NRCAM: variants seen among roughly 807,000 people sequenced by gnomAD.
NRCAM encodes the protein NgCAM-related cell adhesion molecule.
A neutral mutation model predicts 156.5 loss-of-function variants in NRCAM; 83 were observed. The observed-to-expected ratio is 0.53, with a 90% CI of 0.44 to 0.64. The LOEUF (loss-of-function observed/expected upper bound fraction) is 0.64, where lower values mean the gene tolerates loss of function less well. Ranked by LOEUF, NRCAM falls within the 30% of genes least tolerant of loss-of-function variation. The pLI is 0.00. For missense variants in NRCAM, 1,417 were observed against 1,597.3 expected, an observed-to-expected ratio of 0.89 and a Z score of 1.92; for synonymous variants, 538 against 563.9, an observed-to-expected ratio of 0.95 and a Z score of 0.65.
At chr7:108,262,641 C>T (rs1335291251) in intron 3 of NRCAM, among the ~76,000 whole-genome samples, 1 of 152,212 alleles carries the variant, frequency 6.6e-6, no homozygotes, top group African/African-American at 2.4e-5. Context: ...CTATAGGACA[C>T]ACTTTACATA....
chr7:108,175,449 T>C, intron 27 of NRCAM, 92 bp from the exon 28 acceptor site: 1 of 1,105,282 alleles, frequency 9.0e-7, no homozygotes, highest in Non-Finnish European at 1.3e-6. Flanking sequence ...CTTATTAAAA[T>C]GCTAAAGCAT....
chr7:108,426,007 A>G (rs1307347149), intron 1 of NRCAM, among the ~76,000 whole-genome samples: 1 of 152,240 alleles, frequency 6.6e-6, no homozygotes, highest in Non-Finnish European at 1.5e-5. Flanking sequence ...TTTTTAATGT[A>G]TATCATACAA....
chr7:108,226,477 C>A, intron 8 of NRCAM, 99 bp from the exon 9 acceptor site: 1 of 704,624 alleles, frequency 1.4e-6, no homozygotes, highest in Non-Finnish European at 2.3e-6. Context: ...CTGTGAACTT[C>A]ATTTGAATAT....
At chr7:108,222,866 A>G (rs958324968) in intron 11 of NRCAM, among the ~76,000 whole-genome samples, 1 of 152,206 alleles carries the variant, frequency 6.6e-6, no homozygotes, top group African/African-American at 2.4e-5. Context: ...GACAGGGACT[A>G]TATAGAAATT....
chr7:108,405,828 G>A (rs1480862630), intron 1 of NRCAM, among the ~76,000 whole-genome samples: 1 of 152,150 alleles, frequency 6.6e-6, no homozygotes, highest in Non-Finnish European at 1.5e-5. Flanking sequence ...TGAATTAAGA[G>A]GTACCTTAGG....
At chr7:108,168,106 TATA>T (rs1480776357) in intron 29 of NRCAM, among the ~76,000 whole-genome samples, 168 bp downstream of exon 29, 1 of 152,222 alleles carries the variant, frequency 6.6e-6, no homozygotes, top group Non-Finnish European at 1.5e-5. Flanking sequence ...TAGTCGTGCA[TATA>T]ATATGTGGTA....
At chr7:108,182,972 T>A in intron 22 of NRCAM, 52 bp from the exon 23 acceptor site, 2 of 1,423,060 alleles carry the variant, frequency 1.4e-6, no homozygotes, top group Non-Finnish European at 2.0e-6. Context: ...AACTGCACAA[T>A]CTTTTACAGG....
intron 1 of NRCAM, among the ~76,000 whole-genome samples, chr7:108,442,259 C>T (rs968871443): frequency 3.9e-5 from 6 of 152,062 alleles, no homozygotes; most frequent in African/African-American, 9.7e-5. Flanking sequence ...GCAGCTGCCA[C>T]GAGTCATCCA....
intron 2 of NRCAM, among the ~76,000 whole-genome samples, chr7:108,364,691 T>G (rs1157826079): frequency 6.6e-6 from 1 of 151,306 alleles, no homozygotes; most frequent in Non-Finnish European, 1.5e-5. Flanking sequence ...GCTGCCACTT[T>G]ACAACATGGA....
intron 3 of NRCAM, among the ~76,000 whole-genome samples, chr7:108,248,439 G>A (rs562592464): frequency 6.6e-6 from 1 of 152,110 alleles, no homozygotes; most frequent in East Asian, 2.0e-4. Context: ...AGTGTGAAGG[G>A]TAGTAATGCA....
At chr7:108,366,465 C>A (rs1417462723) in intron 2 of NRCAM, among the ~76,000 whole-genome samples, 1 of 152,162 alleles carries the variant, frequency 6.6e-6, no homozygotes, top group African/African-American at 2.4e-5. Context: ...AAACAGAGGT[C>A]TGCCAGTGTA....
At chr7:108,185,151 G>A (rs1481071838) in intron 20 of NRCAM, among the ~76,000 whole-genome samples, 1 of 151,998 alleles carries the variant, frequency 6.6e-6, no homozygotes, top group African/African-American at 2.4e-5. Flanking sequence ...ATGACACAAG[G>A]AATCAAGCAT....
At chr7:108,384,086 G>T (rs1329889118) in intron 2 of NRCAM, among the ~76,000 whole-genome samples, 1 of 152,124 alleles carries the variant, frequency 6.6e-6, no homozygotes, top group Non-Finnish European at 1.5e-5. Context: ...AGCAGACACT[G>T]GGGTCTACTT....
intron 25 of NRCAM, 98 bp from the exon 26 acceptor site, chr7:108,178,210 G>T: frequency 7.8e-7 from 1 of 1,277,714 alleles, no homozygotes; most frequent in Non-Finnish European, 1.1e-6. Flanking sequence ...AAGGTTTTGA[G>T]TTTCAGTAAC....
At position 108,188,446 on chromosome 7, in the gene NRCAM, T is replaced by A. The variant is rs1267196298; in HGVS notation, c.2035+1199A>T. On this transcript the variant is annotated intron_variant, in intron 20 of 32. Coordinates refer to ENST00000379028, the MANE Select transcript of NRCAM (RefSeq NM_001037132.4). ...GCAGATATAATGAAATTATGCTTAA[T>A]AATGTATTATTAATTTTATCTTATT... Among the ~76,000 whole-genome samples, 3 of 152,060 alleles carry A rather than the reference T, an allele frequency of 2.0e-5. No homozygotes were observed. In the East Asian group the frequency reaches 5.8e-4, roughly 29 times the overall value.
Position 108,319,097 on chromosome 7 carries a change from C to T in NRCAM, c.-173-6366G>A, listed in dbSNP as rs539032393. Among the ~76,000 whole-genome samples, 20 of 152,264 alleles carry T rather than the reference C, an allele frequency of 1.3e-4. 1 individual carries two copies. The South Asian group carries it at 3.7e-3, about 28-fold the overall frequency. On this transcript the variant is annotated intron_variant, in intron 2 of 32. Coordinates refer to ENST00000379028, the MANE Select transcript of NRCAM (RefSeq NM_001037132.4). ...CACAACAATATAAATGTACTTAATG[C>T]TACTGACCTGTACACTTAAAAACTG...
chr7:108,186,587 A>G (rs931202535), intron 20 of NRCAM, among the ~76,000 whole-genome samples: 4 of 151,330 alleles, frequency 2.6e-5, no homozygotes, highest in African/African-American at 9.7e-5. Flanking sequence ...TAGTTCCCAA[A>G]CTTTCTCGGT....
chr7:108,283,118 T>C (rs1000259898), intron 3 of NRCAM, among the ~76,000 whole-genome samples: 48 of 152,376 alleles, frequency 3.2e-4, no homozygotes, highest in African/African-American at 9.6e-4. Context: ...TGTAAGAATG[T>C]TGTGAGAAAG....
At chr7:108,205,696 T>C (rs751100409) in intron 13 of NRCAM, among the ~76,000 whole-genome samples, 3 of 152,192 alleles carry the variant, frequency 2.0e-5, no homozygotes, top group Non-Finnish European at 4.4e-5. Flanking sequence ...GCATGTATCA[T>C]CATTTATTGC....
Sources: gnomAD v4.1 joint callset for allele counts (sites outside exome capture counted in the v4.1 genomes callset) on GRCh38, gnomAD v4.1.1 for gene constraint, MANE v1.5 for transcripts, NCBI Gene and HGNC (gene_info 2026-07-23, HGNC 2026-07-21) for gene names.